CSE1L: variants seen among roughly 807,000 people sequenced by gnomAD.
The protein encoded by CSE1L is exportin-2.
In CSE1L, 24 loss-of-function variants were observed where a neutral mutation model predicts 120.4. The observed-to-expected ratio is 0.20, with a 90% CI of 0.14 to 0.28. The LOEUF is 0.28. Among genes scored for constraint, CSE1L ranks in the 10% least tolerant of loss-of-function variants. CSE1L has a pLI of 1.00. For synonymous variants in CSE1L, 402 were observed against 398.3 expected, an observed-to-expected ratio of 1.01 and a Z score of -0.11; for missense variants, 830 against 1,145.2, an observed-to-expected ratio of 0.72 and a Z score of 3.97.
rs772398141 is a variant in CSE1L at position 49,089,657 on chromosome 20, A to T, written c.2092A>T (p.Thr698Ser). ...CCTTCAGCCAGTGCTTTGGGAAAGAACAGGAAATATTCCTGCTCTAGTGAG... is the reference window on the plus strand; with the variant it reads ...CCTTCAGCCAGTGCTTTGGGAAAGATCAGGAAATATTCCTGCTCTAGTGAG... ...HLLQPVLWER[T>S]GNIPALVRLL... The change falls in exon 19 of 25, where the codon ACA becomes TCA. Residue 698 changes from threonine to serine, a missense_variant. By Grantham distance (58) the Thr-to-Ser change is moderately conservative (BLOSUM62 1). Transcript: ENST00000262982. 23 of 1,614,054 alleles carry T rather than the reference A, an allele frequency of 1.4e-5. No homozygotes were observed. The highest frequency in any genetic ancestry group is 1.7e-5 in the Non-Finnish European group (20 of 1,180,010).
intron 1 of CSE1L, among the ~76,000 whole-genome samples, chr20:49,049,055 T>C (rs986477151): frequency 2.0e-5 from 3 of 152,210 alleles, no homozygotes; most frequent in Non-Finnish European, 2.9e-5. Context: ...TGGCCATTCA[T>C]TCAACAAGAA....
At chr20:49,056,867 G>GTA (rs1197799187) in intron 1 of CSE1L, among the ~76,000 whole-genome samples, 14 of 151,938 alleles carry the variant, frequency 9.2e-5, no homozygotes, top group Admixed American at 7.2e-4. Context: ...GTGTGTGTGT[G>GTA]TGTGTGTGTG....
intron 14 of CSE1L, among the ~76,000 whole-genome samples, chr20:49,083,475 G>A (rs1042110090): frequency 1.3e-5 from 2 of 152,062 alleles, no homozygotes; most frequent in African/African-American, 4.8e-5. Context: ...ATGTTGCCCA[G>A]GCTGGTCTTG....
chr20:49,071,708 C>T (rs991392554), intron 8 of CSE1L, among the ~76,000 whole-genome samples: 3 of 152,092 alleles, frequency 2.0e-5, no homozygotes, highest in Non-Finnish European at 4.4e-5. Flanking sequence ...AACTCCTGGG[C>T]TTGGCCCGTC....
At chr20:49,067,983 A>G (rs1003486713) in intron 6 of CSE1L, among the ~76,000 whole-genome samples, 16 of 123,728 alleles carry the variant, frequency 1.3e-4, no homozygotes, top group African/African-American at 5.0e-4. Flanking sequence ...GCTCACTGCA[A>G]CCTCCGCCTC....
intron 2 of CSE1L, among the ~76,000 whole-genome samples, 157 bp from the exon 3 acceptor site, chr20:49,063,045 A>G (rs1422866375): frequency 2.0e-5 from 3 of 151,818 alleles, no homozygotes; most frequent in African/African-American, 4.8e-5. Flanking sequence ...TGTAACATAT[A>G]TAATCCACTT....
intron 1 of CSE1L, among the ~76,000 whole-genome samples, chr20:49,047,550 T>TTCTTTTC (rs1568757149): frequency 1.2e-4 from 17 of 142,546 alleles, no homozygotes; most frequent in Non-Finnish European, 2.0e-4. Context: ...CTTTTTCTTT[T>TTCTTTTC]TCTTTTCTCT....
At chr20:49,061,321 C>T (rs1302050861) in intron 2 of CSE1L, among the ~76,000 whole-genome samples, 23 of 149,150 alleles carry the variant, frequency 1.5e-4, no homozygotes, top group East Asian at 5.9e-4. Context: ...TACAGGCGCC[C>T]GCCACCATGC....
chr20:49,083,452 A>T (rs1227823592), intron 14 of CSE1L, among the ~76,000 whole-genome samples: 5 of 152,076 alleles, frequency 3.3e-5, no homozygotes, highest in Non-Finnish European at 5.9e-5. Flanking sequence ...CTTAATAGAG[A>T]TGAGGTCTCA....
chr20:49,070,806 C>T (rs995155066), intron 8 of CSE1L, among the ~76,000 whole-genome samples: 4 of 152,094 alleles, frequency 2.6e-5, no homozygotes, highest in Non-Finnish European at 5.9e-5. Context: ...TGTGTTGGCT[C>T]ATGCTAATGG....
chr20:49,071,068 C>T (rs1568773199), intron 8 of CSE1L, among the ~76,000 whole-genome samples: 1 of 152,116 alleles, frequency 6.6e-6, no homozygotes, highest in South Asian at 2.1e-4. Flanking sequence ...TTCTGTGCTA[C>T]TCATTTGTTA....
intron 2 of CSE1L, among the ~76,000 whole-genome samples, chr20:49,060,184 T>TA (rs397839598): frequency 0.13 from 17,873 of 133,328 alleles, 1,550 homozygotes; most frequent in East Asian, 0.38. Flanking sequence ...AATCTTGTCT[T>TA]AAAAAAAAAA....
chr20:49,066,336 C>T, intron 4 of CSE1L, 29 bp from the exon 5 acceptor site: 2 of 1,614,150 alleles, frequency 1.2e-6, no homozygotes, highest in Non-Finnish European at 1.7e-6. Context: ...CTGTAAAGCT[C>T]TGATCTAATT....
chr20:49,095,628 CA>C (rs1357649578), intron 24 of CSE1L, among the ~76,000 whole-genome samples: 8 of 151,870 alleles, frequency 5.3e-5, no homozygotes, highest in Non-Finnish European at 1.2e-4. Context: ...TTTTTAATTG[CA>C]GCATACTCAG....
At chr20:49,080,570 G>A (rs1302934717) in intron 14 of CSE1L, among the ~76,000 whole-genome samples, 3 of 152,074 alleles carry the variant, frequency 2.0e-5, no homozygotes, top group South Asian at 2.1e-4. Context: ...TGCGTCTCCC[G>A]AGTTCAAGCG....
At chr20:49,061,668 A>G (rs1162583656) in intron 2 of CSE1L, among the ~76,000 whole-genome samples, 1 of 151,116 alleles carries the variant, frequency 6.6e-6, no homozygotes, top group Non-Finnish European at 1.5e-5. Flanking sequence ...ACACCCGGCT[A>G]ATTTTTTGTA....
chr20:49,069,635 G>A (rs1031678365), intron 7 of CSE1L, among the ~76,000 whole-genome samples: 13 of 152,216 alleles, frequency 8.5e-5, no homozygotes, highest in African/African-American at 3.1e-4. Context: ...CTGGATAGCA[G>A]TTTGAGAAGT....
At chr20:49,094,035 A>AT in intron 22 of CSE1L, 105 bp from the exon 23 acceptor site, 1 of 743,204 alleles carries the variant, frequency 1.3e-6, no homozygotes, top group Non-Finnish European at 2.1e-6. Context: ...CAGTCTTGTT[A>AT]TTTAGTAATT....
At position 49,066,255 on chromosome 20, in the gene CSE1L, C is replaced by G; in HGVS notation, c.292C>G (p.His98Asp). The G allele has an allele frequency of 1.2e-6, 2 of 1,614,194 alleles. No homozygotes were observed. Among genetic ancestry groups the G allele is most frequent in the Non-Finnish European group, 1.7e-6 (2 of 1,180,038 alleles). Residue 98 changes from histidine to aspartate, a missense_variant, in exon 4 of 25, where the codon CAC (histidine) becomes GAC (aspartate). Transcript: ENST00000262982. Reference sequence around the variant, plus strand: ...AGTGGCCATTAAAGCCAACATAGTGCACTTGATGCTTAGCAGCCCAGAGCA... The same window carrying G: ...AGTGGCCATTAAAGCCAACATAGTGGACTTGATGCTTAGCAGCCCAGAGCA... ...DRVAIKANIVHLMLSSPEQIQ... is the reference protein window; with the variant it reads ...DRVAIKANIVDLMLSSPEQIQ...
Sources: allele counts gnomAD v4.1 joint callset (sites outside exome capture counted in the v4.1 genomes callset), GRCh38; gene constraint gnomAD v4.1.1; transcripts MANE v1.5; gene names NCBI Gene and HGNC (gene_info 2026-07-23, HGNC 2026-07-21).